Variants in CAMK1D observed in about 807,000 individuals in gnomAD.
The protein encoded by CAMK1D is calcium/calmodulin-dependent protein kinase type 1D.
Under a neutral mutation model 47.7 loss-of-function variants are expected in CAMK1D, and 9 were observed. The ratio of observed to expected loss-of-function variants is 0.19; its 90% CI spans 0.11 to 0.33. CAMK1D has a LOEUF of 0.33. CAMK1D is among the 10% of genes least tolerant of loss of function. The pLI, the probability that CAMK1D is intolerant of heterozygous loss-of-function variation, is 1.00. For synonymous variants in CAMK1D, 184 were observed against 184.9 expected (o/e 0.99, Z 0.04); for missense variants, 291 against 488.7 (o/e 0.60, Z 3.81).
At chr10:12,587,673 G>C (rs7083671) in intron 2 of CAMK1D, among the ~76,000 whole-genome samples, 9,329 of 152,202 alleles carry the variant, frequency 0.061, 393 homozygotes, top group African/African-American at 0.11. Flanking sequence ...TGTGCAGATG[G>C]AGTGGCTCAT....
intron 1 of CAMK1D, among the ~76,000 whole-genome samples, chr10:12,536,600 T>C (rs1835979175): frequency 6.6e-6 from 1 of 152,146 alleles, no homozygotes; most frequent in Non-Finnish European, 1.5e-5. Flanking sequence ...CCATTGCACC[T>C]CCTCTTTCCT....
chr10:12,626,860 C>T (rs1839232964), intron 2 of CAMK1D, among the ~76,000 whole-genome samples: 2 of 152,138 alleles, frequency 1.3e-5, no homozygotes. Flanking sequence ...GTTGTACTAA[C>T]TAGAGGATTT....
chr10:12,666,657 T>C, intron 2 of CAMK1D, 79 bp from the exon 3 acceptor site: 1 of 1,134,388 alleles, frequency 8.8e-7, no homozygotes, highest in Non-Finnish European at 1.3e-6. Context: ...TTGTAACTTT[T>C]TGCTACAATG....
At chr10:12,799,575 T>A (rs1012868568) in intron 6 of CAMK1D, among the ~76,000 whole-genome samples, 7 of 152,204 alleles carry the variant, frequency 4.6e-5, no homozygotes, top group African/African-American at 1.7e-4. Context: ...GCTAATCGCC[T>A]CCAGGTTGGG....
chr10:12,683,557 G>C (rs1832533468), intron 3 of CAMK1D, among the ~76,000 whole-genome samples: 1 of 151,856 alleles, frequency 6.6e-6, no homozygotes, highest in African/African-American at 2.4e-5. Context: ...TTTTCACTGT[G>C]CTCCTTATGT....
chr10:12,563,664 T>TGAGAGAGAGAGA (rs373932374), intron 2 of CAMK1D, among the ~76,000 whole-genome samples: 1,558 of 129,984 alleles, frequency 0.012, 29 homozygotes, highest in East Asian at 0.084. Flanking sequence ...GCGGAAGGTT[T>TGAGAGAGAGAGA]GAGAGAGAGA....
chr10:12,477,524 T>G (rs1273570814), intron 1 of CAMK1D, among the ~76,000 whole-genome samples: 1 of 152,152 alleles, frequency 6.6e-6, no homozygotes, highest in African/African-American at 2.4e-5. Context: ...TGGAGTGTGG[T>G]CCCATTCTAC....
intron 3 of CAMK1D, among the ~76,000 whole-genome samples, chr10:12,719,144 C>A (rs187527454): frequency 6.6e-6 from 1 of 152,188 alleles, no homozygotes; most frequent in African/African-American, 2.4e-5. Flanking sequence ...ACAGTGCTCA[C>A]ATCTGTAATC....
At chr10:12,545,597 C>T (rs12356159) in intron 1 of CAMK1D, among the ~76,000 whole-genome samples, 35,967 of 151,110 alleles carry the variant, frequency 0.24, 5,455 homozygotes, top group Middle Eastern at 0.36. Context: ...GTCAGGAGAT[C>T]GAGACCATCC....
intron 1 of CAMK1D, among the ~76,000 whole-genome samples, chr10:12,402,540 A>G (rs1280217819): frequency 2.0e-5 from 3 of 152,218 alleles, no homozygotes; most frequent in East Asian, 1.9e-4. Context: ...TTATCCTGTC[A>G]GTGAGGAAAT....
chr10:12,778,322 G>GACT (rs1211298636), intron 5 of CAMK1D, among the ~76,000 whole-genome samples: 2 of 152,196 alleles, frequency 1.3e-5, no homozygotes, highest in Non-Finnish European at 2.9e-5. Context: ...GAGGCAAGAG[G>GACT]ACTATAAGCA....
At chr10:12,391,623 C>G in intron 1 of CAMK1D, among the ~76,000 whole-genome samples, 1 of 152,036 alleles carries the variant, frequency 6.6e-6, no homozygotes, top group Non-Finnish European at 1.5e-5. Flanking sequence ...TCAAATGTTT[C>G]TTAAAGAAAA....
chr10:12,429,943 C>G (rs1840385014), intron 1 of CAMK1D, among the ~76,000 whole-genome samples: 1 of 152,084 alleles, frequency 6.6e-6, no homozygotes, highest in Non-Finnish European at 1.5e-5. Context: ...GTTCTTAGAA[C>G]AACACTGCCC....
chr10:12,364,366 CT>C (rs1047438480), intron 1 of CAMK1D, among the ~76,000 whole-genome samples: 1 of 151,028 alleles, frequency 6.6e-6, no homozygotes, highest in African/African-American at 2.4e-5. Flanking sequence ...CTCGGCGCCC[CT>C]AGTAGCTGGG....
At chr10:12,574,403 G>A (rs567091705) in intron 2 of CAMK1D, among the ~76,000 whole-genome samples, 1 of 149,320 alleles carries the variant, frequency 6.7e-6, no homozygotes, top group South Asian at 2.1e-4. Context: ...CTAGGTTCAA[G>A]CGATTCTCAT....
At chr10:12,358,320 C>T (rs774937687) in intron 1 of CAMK1D, among the ~76,000 whole-genome samples, 5 of 152,052 alleles carry the variant, frequency 3.3e-5, no homozygotes. Context: ...AGTGGATCAC[C>T]TGAGGTCAGG....
At chr10:12,720,932 C>T (rs1165966735) in intron 3 of CAMK1D, among the ~76,000 whole-genome samples, 1 of 152,164 alleles carries the variant, frequency 6.6e-6, no homozygotes, top group Non-Finnish European at 1.5e-5. Flanking sequence ...CGACAGGGCA[C>T]CTGTCTTCTG....
At chr10:12,712,133 G>A (rs1458371344) in intron 3 of CAMK1D, among the ~76,000 whole-genome samples, 1 of 152,218 alleles carries the variant, frequency 6.6e-6, no homozygotes, top group Non-Finnish European at 1.5e-5. Context: ...CATAGCAGAT[G>A]TGGAAGATGC....
At chr10:12,401,292 A>G (rs1839209225) in intron 1 of CAMK1D, among the ~76,000 whole-genome samples, 1 of 61,552 alleles carries the variant, frequency 1.6e-5, no homozygotes, top group African/African-American at 6.5e-5. Flanking sequence ...TTATATATAT[A>G]TAATATATGT....
Sources: gnomAD v4.1 joint callset for allele counts (sites outside exome capture counted in the v4.1 genomes callset) on GRCh38, gnomAD v4.1.1 for gene constraint, MANE v1.5 for transcripts, NCBI Gene and HGNC (gene_info 2026-07-23, HGNC 2026-07-21) for gene names.